Variants in MAPK10 observed in about 807,000 individuals in gnomAD.
The protein encoded by MAPK10 is mitogen-activated protein kinase 10, also known as JNK3 alpha protein kinase.
Under a neutral mutation model 59.3 loss-of-function variants are expected in MAPK10, and 25 were observed. That is an observed-to-expected ratio of 0.42 (90% CI 0.31 to 0.59). The LOEUF (loss-of-function observed/expected upper bound fraction) is 0.59. Among genes scored for constraint, MAPK10 ranks in the 20% least tolerant of loss-of-function variants. The probability of loss-of-function intolerance (pLI) is 0.15; values close to 1 mark genes in which losing one functional copy is unlikely to be tolerated. For missense variants in MAPK10, 351 were observed against 568.9 expected (o/e 0.62, Z 3.90); for synonymous variants, 190 against 200.5 (o/e 0.95, Z 0.44).
At chr4:86,580,500 GA>G (rs199715528) in intron 1 of MAPK10, among the ~76,000 whole-genome samples, 1 of 148,410 alleles carries the variant, frequency 6.7e-6, no homozygotes, top group Middle Eastern at 3.5e-3. Flanking sequence ...CTCCACCTCA[GA>G]AAAAAAAAAG....
chr4:86,580,653 A>T (rs1762199431), intron 1 of MAPK10, among the ~76,000 whole-genome samples: 1 of 152,222 alleles, frequency 6.6e-6, no homozygotes, highest in East Asian at 1.9e-4. Context: ...TCATTTTTCA[A>T]ATGCTAAAAA....
intron 1 of MAPK10, among the ~76,000 whole-genome samples, chr4:86,429,209 AG>A (rs1196609707): frequency 6.6e-6 from 1 of 152,180 alleles, no homozygotes; most frequent in Non-Finnish European, 1.5e-5. Context: ...ACATGCTTCC[AG>A]GGGAACATAG....
intron 2 of MAPK10, among the ~76,000 whole-genome samples, chr4:86,215,777 G>T (rs753793221): frequency 6.6e-6 from 1 of 152,120 alleles, no homozygotes; most frequent in Non-Finnish European, 1.5e-5. Flanking sequence ...CAGGAGAATC[G>T]CTTGAACCCG....
At chr4:86,544,187 G>A (rs1386219453) in intron 1 of MAPK10, among the ~76,000 whole-genome samples, 4 of 152,178 alleles carry the variant, frequency 2.6e-5, no homozygotes, top group Non-Finnish European at 5.9e-5. Flanking sequence ...CTTAACCCAA[G>A]AGGTGATGGA....
chr4:86,255,671 C>T (rs1372467666), intron 2 of MAPK10, among the ~76,000 whole-genome samples: 1 of 145,184 alleles, frequency 6.9e-6, no homozygotes, highest in Non-Finnish European at 1.5e-5. Flanking sequence ...TTGCTAAATT[C>T]TAGAAAAGTT....
At chr4:86,584,479 C>T (rs2149114090) in intron 1 of MAPK10, among the ~76,000 whole-genome samples, 1 of 152,282 alleles carries the variant, frequency 6.6e-6, no homozygotes, top group East Asian at 1.9e-4. Flanking sequence ...GGGTCTCACT[C>T]TGTCACCAGG....
At chr4:86,301,709 G>A (rs1231590837) in intron 2 of MAPK10, among the ~76,000 whole-genome samples, 1 of 152,028 alleles carries the variant, frequency 6.6e-6, no homozygotes, top group African/African-American at 2.4e-5. Context: ...AAATACAATG[G>A]TGAAAACAGT....
At chr4:86,411,806 A>G (rs774338852) in intron 1 of MAPK10, among the ~76,000 whole-genome samples, 17 of 151,836 alleles carry the variant, frequency 1.1e-4, no homozygotes, top group Admixed American at 3.3e-4. Context: ...CGCCTGTGAG[A>G]TGGCTCTCTT....
chr4:86,036,645 G>C (rs2040369702), intron 11 of MAPK10, among the ~76,000 whole-genome samples: 1 of 152,146 alleles, frequency 6.6e-6, no homozygotes, highest in African/African-American at 2.4e-5. Context: ...TCCAGAGCAA[G>C]TGTCAATACT....
At chr4:86,516,649 G>GT (rs947906406) in intron 1 of MAPK10, among the ~76,000 whole-genome samples, 4 of 151,710 alleles carry the variant, frequency 2.6e-5, no homozygotes, top group Non-Finnish European at 5.9e-5. Context: ...TTGTTTGTTT[G>GT]TTTTTTGTTT....
At chr4:86,426,369 C>G (rs1235585724) in intron 1 of MAPK10, among the ~76,000 whole-genome samples, 2 of 152,196 alleles carry the variant, frequency 1.3e-5, no homozygotes, top group African/African-American at 4.8e-5. Flanking sequence ...AAATTCCCAA[C>G]TAAGATGCTG....
At chr4:86,163,737 A>G (rs1056979031) in intron 3 of MAPK10, among the ~76,000 whole-genome samples, 1 of 151,136 alleles carries the variant, frequency 6.6e-6, no homozygotes, top group Non-Finnish European at 1.5e-5. Context: ...AGACAATAGT[A>G]GATATAAAAG....
intron 1 of MAPK10, among the ~76,000 whole-genome samples, chr4:86,431,243 C>T (rs1748009271): frequency 6.6e-6 from 1 of 152,022 alleles, no homozygotes. Context: ...TTCTATACAT[C>T]AATAAGACTA....
At chr4:86,266,169 G>C (rs1224445058) in intron 2 of MAPK10, among the ~76,000 whole-genome samples, 1 of 152,104 alleles carries the variant, frequency 6.6e-6, no homozygotes, top group Non-Finnish European at 1.5e-5. Context: ...GAAGAGAGGA[G>C]GAATATCTGG....
chr4:86,502,020 G>T (rs1755368243), intron 1 of MAPK10, among the ~76,000 whole-genome samples: 1 of 152,134 alleles, frequency 6.6e-6, no homozygotes, highest in Non-Finnish European at 1.5e-5. Context: ...GCAGGGCACT[G>T]CATGGCAGCA....
intron 11 of MAPK10, among the ~76,000 whole-genome samples, chr4:86,062,919 C>T (rs1223642764): frequency 6.6e-6 from 1 of 152,002 alleles, no homozygotes; most frequent in Non-Finnish European, 1.5e-5. Context: ...TATAATTAAA[C>T]TCAGAAATAT....
At chr4:86,365,770 CTT>C (rs1737774728) in intron 1 of MAPK10, among the ~76,000 whole-genome samples, 1 of 152,092 alleles carries the variant, frequency 6.6e-6, no homozygotes, top group South Asian at 2.1e-4. Context: ...GCTTCAAACT[CTT>C]TTTCAAAGTG....
intron 1 of MAPK10, among the ~76,000 whole-genome samples, chr4:86,388,745 AAATC>A (rs1741822648): frequency 6.6e-6 from 1 of 152,164 alleles, no homozygotes; most frequent in South Asian, 2.1e-4. Context: ...ATACATATAA[AAATC>A]AATATTAATA....
chr4:86,115,830 T>A (rs1053051396), intron 4 of MAPK10, among the ~76,000 whole-genome samples: 1 of 152,194 alleles, frequency 6.6e-6, no homozygotes, highest in Admixed American at 6.5e-5. Context: ...ACAGTGAGCC[T>A]GTGTTAATTT....
Sources: gnomAD v4.1 joint callset for allele counts (sites outside exome capture counted in the v4.1 genomes callset) on GRCh38, gnomAD v4.1.1 for gene constraint, MANE v1.5 for transcripts, NCBI Gene and HGNC (gene_info 2026-07-23, HGNC 2026-07-21) for gene names.